The following CAMTA2 variants were observed in gnomAD, a reference collection of about 807,000 sequenced individuals.
The protein encoded by CAMTA2 is calmodulin binding transcription activator 2, also known as calmodulin-binding transcription activator 2.
In CAMTA2, 56 loss-of-function variants were observed where a neutral mutation model predicts 135.7. The ratio of observed to expected loss-of-function variants is 0.41; its 90% confidence interval spans 0.33 to 0.52. The LOEUF (loss-of-function observed/expected upper bound fraction) is 0.52. CAMTA2 is among the 20% of genes least tolerant of loss of function. The pLI is 0.16. For missense variants in CAMTA2, 1,358 were observed against 1,553.4 expected (o/e 0.87, Z 2.11); for synonymous variants, 591 against 604.6 (o/e 0.98, Z 0.33).
chr17:4,985,142 C>T (rs374601732), intron 3 of CAMTA2, among the ~76,000 whole-genome samples: 3 of 152,030 alleles, frequency 2.0e-5, no homozygotes, highest in Non-Finnish European at 4.4e-5. Flanking sequence ...GCCAAGATCG[C>T]GCCATTGTAC....
At chr17:4,979,498 G>GACACTCCATCTCAAA (rs1972824541) in intron 9 of CAMTA2, 186 bp downstream of exon 9, 2 of 379,450 alleles carry the variant, frequency 5.3e-6, no homozygotes, top group Non-Finnish European at 8.6e-6. Context: ...CAACAAGAGC[G>GACACTCCATCTCAAA]AAACTGTCTC....
chr17:4,979,508 CAAAA>C (rs5819002), intron 9 of CAMTA2, 172 bp downstream of exon 9: 752 of 205,388 alleles, frequency 3.7e-3, no homozygotes, highest in Middle Eastern at 5.9e-3. Flanking sequence ...GAAACTGTCT[CAAAA>C]AAAAAAAAAA....
intron 1 of CAMTA2, chr17:4,986,521 G>C (rs391548): frequency 1.7e-5 from 9 of 524,536 alleles, no homozygotes; most frequent in South Asian, 9.7e-5. Context: ...GGGTTGGGGT[G>C]GGGGAGCGGG....
intron 1 of CAMTA2, chr17:4,987,184 G>T: frequency 1.8e-5 from 24 of 1,346,080 alleles, no homozygotes; most frequent in Non-Finnish European, 2.3e-5. Context: ...AGCGGGAGCG[G>T]GTCCTTGGGC....
At chr17:4,974,528 A>C (rs760901871) in intron 11 of CAMTA2, 28 bp from the exon 12 acceptor site, 1 of 1,445,550 alleles carries the variant, frequency 6.9e-7, no homozygotes, top group South Asian at 1.1e-5. Flanking sequence ...TGGGAGGCTG[A>C]GTGGGCAGTC....
chr17:4,985,998 A>C lies in CAMTA2; in HGVS notation c.32-15T>G. The C allele has an allele frequency of 3.1e-6, 5 of 1,588,406 alleles. No homozygotes were observed. Among genetic ancestry groups the C allele is most frequent in the Non-Finnish European group, 4.3e-6 (5 of 1,156,576 alleles). ...GTGGCTGTTTTCTAAAGGGAATTAG[A>C]AGGGAGGGTTTAGTGTGCTACCCTG... is the stretch of plus-strand genomic sequence containing the variant. On this transcript the variant is annotated splice_polypyrimidine_tract_variant and intron_variant, in intron 2 of 22. Coordinates refer to ENST00000348066, the MANE Select transcript of CAMTA2 (RefSeq NM_015099.4).
chr17:4,971,173 A>G (rs1160441818), intron 16 of CAMTA2, among the ~76,000 whole-genome samples: 1 of 152,200 alleles, frequency 6.6e-6, no homozygotes, highest in East Asian at 1.9e-4. Context: ...AGACTTTCTT[A>G]GCTTTATCAT....
In CAMTA2 at chr17:4,974,391, T is replaced by C. The variant is rs770337390; in HGVS notation, c.2010A>G (p.Pro670=). The C allele has an allele frequency of 5.6e-6, 9 of 1,603,350 alleles. No individual in the cohort carries two copies. The highest frequency in any genetic ancestry group is 7.7e-6 in the Non-Finnish European group (9 of 1,170,492). ...QVPCQGPDAP[P]VQDEGQGPGF... is the part of the protein sequence containing the mutation. Reference sequence around the variant, plus strand: ...TCCCTCCTCACAGAAGTACCTGAACTGGAGGAGCATCAGGACCCTGGCAAG... The same window carrying C: ...TCCCTCCTCACAGAAGTACCTGAACCGGAGGAGCATCAGGACCCTGGCAAG... The change falls in exon 12 of 23, where the codon CCA becomes CCG. Residue 670 remains proline (P), a synonymous_variant. Coordinates refer to ENST00000348066, the MANE Select transcript of CAMTA2 (RefSeq NM_015099.4).
At chr17:4,985,675 C>T (rs1302219441) in intron 3 of CAMTA2, among the ~76,000 whole-genome samples, 5 of 152,172 alleles carry the variant, frequency 3.3e-5, no homozygotes, top group Non-Finnish European at 7.3e-5. Context: ...CCACCCGCCT[C>T]AGCCTCCCAA....
At chr17:4,983,072 A>G (rs758239813) in intron 3 of CAMTA2, 29 bp from the exon 4 acceptor site, 1 of 1,588,048 alleles carries the variant, frequency 6.3e-7, no homozygotes, top group East Asian at 2.2e-5. Flanking sequence ...TCAGCTGGGC[A>G]TCTCCTTCAC....
At position 4,973,526 on chromosome 17, in the gene CAMTA2, G is replaced by A; in HGVS notation, c.2201+59C>T. ...CCCCAGGTCCTCCAATTCCTCTTCA[G>A]TCCCCTGACACTTCTGTCCCAGAGG... On this transcript the variant is annotated intron_variant, in intron 13 of 22. Transcript: ENST00000348066. 2.6e-6 allele frequency: 4 copies of A among 1,519,530 alleles called. No individual in the cohort carries two copies. In the South Asian group the frequency reaches 3.6e-5, roughly 14 times the overall value. The allele number at this position is 1,519,530 out of a possible 1,614,324, so 94.1% of individuals were successfully genotyped here. A position where few individuals can be genotyped will look rare whatever the true frequency, so the allele number is the denominator to read the frequency against.
intron 16 of CAMTA2, among the ~76,000 whole-genome samples, chr17:4,971,608 G>C (rs1260618806): frequency 6.6e-6 from 1 of 152,054 alleles, no homozygotes; most frequent in Non-Finnish European, 1.5e-5. Context: ...TTCTCTGAAA[G>C]TGATGGGATT....
chr17:4,981,266 G>T lies in CAMTA2; in HGVS notation c.659C>A (p.Pro220His). 1.2e-6 allele frequency: 2 copies of T among 1,614,118 alleles called. No homozygotes were observed. Among genetic ancestry groups the T allele is most frequent in the Non-Finnish European group, 1.7e-6 (2 of 1,180,008 alleles). ...QQILDTHPTKPAPRTHACLCS... is the reference protein window; with the variant it reads ...QQILDTHPTKHAPRTHACLCS... Reference sequence around the variant, plus strand: ...GAGACAGGCGTGGGTTCGGGGAGCAGGCTTGGTTGGGTGGGTGTCCAAAAT... The same window carrying T: ...GAGACAGGCGTGGGTTCGGGGAGCATGCTTGGTTGGGTGGGTGTCCAAAAT... Residue 220 changes from proline (P) to histidine (H), a missense_variant, in exon 8 of 23, where the codon CCT becomes CAT. Coordinates refer to ENST00000348066, the MANE Select transcript of CAMTA2 (RefSeq NM_015099.4).
In CAMTA2 at chr17:4,978,617, A is replaced by G; in HGVS notation, c.1652T>C (p.Val551Ala). 1 of 1,613,424 alleles carries G rather than the reference A, an allele frequency of 6.2e-7. No individual in the cohort carries two copies. Among genetic ancestry groups the G allele is most frequent in the Non-Finnish European group, 8.5e-7 (1 of 1,179,502 alleles). Reference protein sequence around the residue: ...EWSYPEGGVKVLITGPWTEAA... With the variant: ...EWSYPEGGVKALITGPWTEAA... ...TTCGGTCCAAGGACCTGTGATGAGC[A>G]CCTTGACCCCACCCTGCAGACAGAA... Residue 551 changes from valine (V) to alanine (A), a missense_variant, in exon 10 of 23, where the codon GTG (valine) becomes GCG (alanine). Val to Ala is a moderately conservative substitution (Grantham distance 64). This residue lies in a region of CAMTA2 where 1,077 missense variants were observed against 1,127.5 expected (regional missense o/e 0.96). Coordinates refer to ENST00000348066, the MANE Select transcript of CAMTA2 (RefSeq NM_015099.4).
chr17:4,973,021 G>A (rs377012750), intron 14 of CAMTA2, 30 bp from the exon 15 acceptor site: 1,313 of 1,584,856 alleles, frequency 8.3e-4, no homozygotes, highest in Non-Finnish European at 1.0e-3. Flanking sequence ...AGGCGGAGAC[G>A]GAGGTGGAGG....
chr17:4,971,165 ACTTT>A (rs1972261022), intron 16 of CAMTA2, among the ~76,000 whole-genome samples: 1 of 152,158 alleles, frequency 6.6e-6, no homozygotes, highest in Non-Finnish European at 1.5e-5. Flanking sequence ...ATTCCACAAG[ACTTT>A]CTTAGCTTTA....
At chr17:4,987,125 C>T (rs952664465) in intron 1 of CAMTA2, 6 of 1,361,126 alleles carry the variant, frequency 4.4e-6, no homozygotes, top group East Asian at 3.1e-5. Context: ...AGGACTCCGC[C>T]CCAGGGCGCA....
At chr17:4,986,007 T>C in intron 2 of CAMTA2, 24 bp from the exon 3 acceptor site, 3 of 1,519,014 alleles carry the variant, frequency 2.0e-6, no homozygotes, top group African/African-American at 1.4e-5. Context: ...GAAGGGAGGG[T>C]TTAGTGTGCT....
rs1972416258 is a variant in CAMTA2, at chr17:4,973,272, A to G, written c.2202-19T>C. 6.3e-7 allele frequency: 1 copy of G among 1,599,014 alleles called. No individual in the cohort carries two copies. Among genetic ancestry groups the G allele is most frequent in the Non-Finnish European group, 8.6e-7 (1 of 1,166,238 alleles). On this transcript the variant is annotated intron_variant, in intron 13 of 22. Coordinates refer to ENST00000348066, the MANE Select transcript of CAMTA2 (RefSeq NM_015099.4). ...CACACTCCTGGAGGGTTTGGGAGAG[A>G]GACAGCAGAGCCCAATGAGGGAAAA...
Sources: gnomAD v4.1 joint callset for allele counts (sites outside exome capture counted in the v4.1 genomes callset) on GRCh38, gnomAD v4.1.1 for gene constraint, gnomAD v4.1.1 regional missense constraint, MANE v1.5 for transcripts, NCBI Gene and HGNC (gene_info 2026-07-23, HGNC 2026-07-21) for gene names.